Variants in CDKL2 observed in about 807,000 individuals in gnomAD.
CDKL2 encodes cyclin dependent kinase like 2.
Under a neutral mutation model 63.9 loss-of-function variants are expected in CDKL2, and 64 were observed. The ratio of observed to expected loss-of-function variants is 1.00; its 90% CI spans 0.82 to 1.23. The LOEUF (loss-of-function observed/expected upper bound fraction) is 1.23, where lower values mean the gene tolerates loss of function less well. CDKL2 is among the 50% of genes most tolerant of loss of function. The pLI is 0.00. For synonymous variants in CDKL2, 211 were observed against 229.2 expected, an observed-to-expected ratio of 0.92 and a Z score of 0.72; for missense variants, 656 against 668.0, an observed-to-expected ratio of 0.98 and a Z score of 0.20.
Position 75,622,734 on chromosome 4 carries a change from A to AAAAAC in CDKL2, c.168+3086_168+3087insGTTTT, listed in dbSNP as rs1560594798. On this transcript the variant is annotated intron_variant, in intron 2 of 13. Transcript: ENST00000307465. The stretch of plus-strand genomic sequence containing the variant: ...CTCCATCAAAAAAAAAAAAAAAAAA[A>AAAAAC]AAAAAAAAAACAGACAAGAAGACCA... Among the ~76,000 whole-genome samples, 7 of 148,636 alleles carry AAAAAC rather than the reference A, an allele frequency of 4.7e-5. 1 individual carries two copies. The highest frequency in any genetic ancestry group is 1.5e-4 in the African/African-American group (6 of 40,396).
At chr4:75,620,411 T>C (rs1383701922) in intron 2 of CDKL2, among the ~76,000 whole-genome samples, 1 of 152,052 alleles carries the variant, frequency 6.6e-6, no homozygotes, top group Non-Finnish European at 1.5e-5. Flanking sequence ...TGGAGGGAAC[T>C]TAAAACCATG....
chr4:75,591,810 T>C lies in CDKL2; in HGVS notation c.1647+9A>G. The C allele has an allele frequency of 6.6e-7, 1 of 1,517,590 alleles. No homozygotes were observed. The highest frequency in any genetic ancestry group is 8.8e-7 in the Non-Finnish European group (1 of 1,130,508). 94.0% of individuals were successfully genotyped at this position (1,517,590 alleles called of 1,614,324 possible). On this transcript the variant is annotated intron_variant, in intron 12 of 13. Transcript: ENST00000307465. ...AGTTCTGTCCATCCTATAAAGAGTA[T>C]TTCTGTACCTGATGTAATGTAATAC...
At chr4:75,609,720 C>T (rs891351896) in intron 3 of CDKL2, among the ~76,000 whole-genome samples, 2 of 149,282 alleles carry the variant, frequency 1.3e-5, no homozygotes, top group East Asian at 1.9e-4. Context: ...AGGCCTAATT[C>T]TCTAATATAA....
chr4:75,629,800 G>A (rs566423070), intron 1 of CDKL2, among the ~76,000 whole-genome samples: 1 of 151,818 alleles, frequency 6.6e-6, no homozygotes, highest in African/African-American at 2.4e-5. Flanking sequence ...TTAGCCGGGC[G>A]TGGTGGTGAT....
At chr4:75,626,118 CT>C in intron 1 of CDKL2, 101 bp from the exon 2 acceptor site, 1 of 734,916 alleles carries the variant, frequency 1.4e-6, no homozygotes, top group East Asian at 2.5e-5. Context: ...ATATTAGTCA[CT>C]GTGTTCATGG....
At chr4:75,601,526 A>C (rs753527371) in intron 6 of CDKL2, among the ~76,000 whole-genome samples, 2 of 151,884 alleles carry the variant, frequency 1.3e-5, no homozygotes, top group Non-Finnish European at 2.9e-5. Context: ...GAGTGTAGAT[A>C]AATTAAACAA....
At chr4:75,623,513 C>G (rs1251454836) in intron 2 of CDKL2, among the ~76,000 whole-genome samples, 1 of 152,086 alleles carries the variant, frequency 6.6e-6, no homozygotes, top group Non-Finnish European at 1.5e-5. Context: ...TTATTAAGAT[C>G]AAGAACAAGT....
At position 75,613,430 on chromosome 4, in the gene CDKL2, T is replaced by C. The variant is rs182000062; in HGVS notation, c.363+825A>G. ...TTTTATAATTATCTTTAGTTTTAAA[T>C]TTTTCTACCATTAATATTTATTACT... On this transcript the variant is annotated intron_variant, in intron 3 of 13. Coordinates refer to ENST00000307465, the MANE Select transcript of CDKL2 (RefSeq NM_001330724.2). Among the ~76,000 whole-genome samples, 4 of 152,340 alleles carry C rather than the reference T, an allele frequency of 2.6e-5. No individual in the cohort carries two copies. In the East Asian group the frequency reaches 7.7e-4, roughly 29 times the overall value.
At chr4:75,615,915 C>T (rs539668105) in intron 2 of CDKL2, among the ~76,000 whole-genome samples, 1 of 152,194 alleles carries the variant, frequency 6.6e-6, no homozygotes, top group African/African-American at 2.4e-5. Context: ...CACTTAAGCC[C>T]ACGAGTTGGA....
At chr4:75,607,968 A>G (rs1729498193) in intron 3 of CDKL2, among the ~76,000 whole-genome samples, 1 of 151,348 alleles carries the variant, frequency 6.6e-6, no homozygotes. Context: ...GCCTGCCACC[A>G]CGCCCGGCTA....
chr4:75,596,029 GAAGAA>G, intron 10 of CDKL2: 1 of 47,606 alleles, frequency 2.1e-5, no homozygotes, highest in South Asian at 3.0e-4. Context: ...AGGAAGGAAG[GAAGAA>G]AGGAAGGAAG....
intron 2 of CDKL2, among the ~76,000 whole-genome samples, chr4:75,618,655 T>G (rs1184970084): frequency 6.6e-6 from 1 of 152,172 alleles, no homozygotes; most frequent in Non-Finnish European, 1.5e-5. Context: ...ATCAAGAACA[T>G]GAGAATCCAG....
At chr4:75,615,834 T>G (rs1465170630) in intron 2 of CDKL2, among the ~76,000 whole-genome samples, 1 of 151,502 alleles carries the variant, frequency 6.6e-6, no homozygotes, top group East Asian at 2.0e-4. Flanking sequence ...TACAAAAAAT[T>G]TTAAAAATTA....
Position 75,596,320 on chromosome 4 carries a change from T to C in CDKL2, c.1343A>G (p.Lys448Arg). 6.2e-7 allele frequency: 1 copy of C among 1,609,998 alleles called. No individual in the cohort carries two copies. The highest frequency in any genetic ancestry group is 8.5e-7 in the Non-Finnish European group (1 of 1,176,330). ...QGYRVDEKTKKCSIPFVKPNR... is the reference protein window; with the variant it reads ...QGYRVDEKTKRCSIPFVKPNR... The stretch of plus-strand genomic sequence containing the variant: ...CGGTTTAACAAATGGAATAGAACAC[T>C]TCTTAGTTTTCTCATCCACTCTGTA... The change falls in exon 10 of 14, where the codon AAG becomes AGG. Residue 448 changes from lysine to arginine, a missense_variant. Lys to Arg is a conservative substitution (Grantham distance 26, BLOSUM62 2). Transcript: ENST00000307465.
chr4:75,581,776 C>T, intron 13 of CDKL2, 34 bp downstream of exon 13: 1 of 1,230,926 alleles, frequency 8.1e-7, no homozygotes, highest in Non-Finnish European at 1.2e-6. Flanking sequence ...CTGTGAAAGG[C>T]TGCACAGCTT....
rs150422893 is a variant in CDKL2, at chr4:75,602,474, G to A, written c.795+1343C>T. On this transcript the variant is annotated intron_variant, in intron 6 of 13. Coordinates refer to ENST00000307465, the MANE Select transcript of CDKL2 (RefSeq NM_001330724.2). The stretch of plus-strand genomic sequence containing the variant: ...ATTACAGGCATGAGCCACCATGCCC[G>A]GCCATCCTATGCCCTACATTTTAAT... 1.0e-4 allele frequency among the ~76,000 whole-genome samples: 15 copies of A among 147,290 alleles called. No homozygotes were observed. In the East Asian group the frequency reaches 1.5e-3, roughly 14 times the overall value.
At chr4:75,607,466 A>C in intron 3 of CDKL2, 105 bp from the exon 4 acceptor site, 1 of 828,592 alleles carries the variant, frequency 1.2e-6, no homozygotes, top group Non-Finnish European at 1.8e-6. Context: ...AATACAAACA[A>C]AAGCATAGAA....
At chr4:75,595,324 TCTTAGCCTCCCAAGTAG>T (rs1245345786) in intron 10 of CDKL2, among the ~76,000 whole-genome samples, 8 of 150,810 alleles carry the variant, frequency 5.3e-5, no homozygotes, top group Non-Finnish European at 8.9e-5. Flanking sequence ...AACCCACCCA[TCTTAGCCTCCCAAGTAG>T]CTAGGACTAC....
Position 75,596,269 on chromosome 4 carries a change from T to C in CDKL2, c.1394A>G (p.Tyr465Cys), listed in dbSNP as rs1728928611. 6.2e-7 allele frequency: 1 copy of C among 1,609,604 alleles called. No homozygotes were observed. The highest frequency in any genetic ancestry group is 1.1e-5 in the South Asian group (1 of 90,986). The change falls in exon 10 of 14, where the codon TAT becomes TGT. Residue 465 changes from tyrosine to cysteine, a missense_variant. Transcript: ENST00000307465. ...TACTAATGTGGTCACATTAATGTTA[T>C]AAATGCCTGATGGGGAATGTCTGTT... ...KPNRHSPSGIYNINVTTLVSS... is the reference protein window; with the variant it reads ...KPNRHSPSGICNINVTTLVSS...
Sources: allele counts gnomAD v4.1 joint callset (sites outside exome capture counted in the v4.1 genomes callset), GRCh38; gene constraint gnomAD v4.1.1; transcripts MANE v1.5; gene names NCBI Gene and HGNC (gene_info 2026-07-23, HGNC 2026-07-21).